The following MYOM3 variants were observed in gnomAD, a reference collection of about 807,000 sequenced individuals.
MYOM3 encodes myomesin 3, also known as myomesin-3.
In MYOM3, 155 loss-of-function variants were observed where a neutral mutation model predicts 191.7. That is an observed-to-expected ratio of 0.81 (90% confidence interval 0.71 to 0.92). The LOEUF (loss-of-function observed/expected upper bound fraction) is 0.92. Among genes scored for constraint, MYOM3 ranks in the 40% least tolerant of loss-of-function variants. MYOM3 has a pLI of 0.00. For missense variants in MYOM3, 1,889 were observed against 1,890.6 expected (o/e 1.00, Z 0.02); for synonymous variants, 757 against 762.9 (o/e 0.99, Z 0.13).
chr1:24,063,637 C>T lies in MYOM3; in HGVS notation c.3623-107G>A, dbSNP rs908572102. 1 of 1,271,036 alleles carries T rather than the reference C, an allele frequency of 7.9e-7. No homozygotes were observed. The highest frequency in any genetic ancestry group is 1.1e-6 in the Non-Finnish European group (1 of 884,588). 78.7% of individuals were successfully genotyped at this position (1,271,036 alleles called of 1,614,324 possible). A position where few individuals can be genotyped will look rare whatever the true frequency, so the allele number is the denominator to read the frequency against. On this transcript the variant is annotated intron_variant, in intron 30 of 36. Transcript: ENST00000374434. This position sits in a 1 kb window ranked among gnomAD's most constrained non-coding sequence, Gnocchi z 4.5. ...GCTGGTGGAGCCCGTGAGCTGCTCT[C>T]AGGGGGACAGGCAACTCTGTAGGAT...
At position 24,075,425 on chromosome 1, in the gene MYOM3, C is replaced by T; in HGVS notation, c.2752G>A (p.Ala918Thr). Reference sequence around the variant, plus strand: ...TCGGGGGCTTCAGGGGCTTCAAAAGCCAAATAGATAAAGCCCTCTTCATCC... The same window carrying T: ...TCGGGGGCTTCAGGGGCTTCAAAAGTCAAATAGATAAAGCCCTCTTCATCC... ...GVDEEGFIYL[A>T]FEAPEAPDSS... is the part of the protein sequence containing the mutation. Residue 918 changes from alanine (A) to threonine (T), a missense_variant, in exon 22 of 37, where the codon GCT (alanine) becomes ACT (threonine). Ala to Thr is a moderately conservative substitution (Grantham distance 58, BLOSUM62 0). Transcript: ENST00000374434. 1.2e-6 allele frequency: 2 copies of T among 1,608,636 alleles called. No homozygotes were observed. Among genetic ancestry groups the T allele is most frequent in the Non-Finnish European group, 8.5e-7 (1 of 1,178,362 alleles).
intron 2 of MYOM3, 131 bp downstream of exon 2, chr1:24,108,345 G>A (rs1265291945): frequency 1.9e-6 from 2 of 1,031,402 alleles, no homozygotes; most frequent in African/African-American, 3.3e-5. Flanking sequence ...CTCAGACAGG[G>A]GGTTCAGAAA....
chr1:24,090,152 G>C (rs747481954), intron 12 of MYOM3, 34 bp from the exon 13 acceptor site: 1 of 1,571,930 alleles, frequency 6.4e-7, no homozygotes, highest in African/African-American at 1.3e-5. Flanking sequence ...AGGGTGGGGG[G>C]TGGCACAGGA....
At chr1:24,103,817 C>CCCCCG (rs1643959344) in intron 5 of MYOM3, among the ~76,000 whole-genome samples, 1 of 151,574 alleles carries the variant, frequency 6.6e-6, no homozygotes, top group Admixed American at 6.6e-5. Context: ...CACAGATCTC[C>CCCCCG]CCCCGCCCCA....
chr1:24,068,569 T>C (rs558858908), intron 25 of MYOM3, among the ~76,000 whole-genome samples: 3 of 152,246 alleles, frequency 2.0e-5, no homozygotes, highest in Admixed American at 2.0e-4. Context: ...TTTTTTGTTG[T>C]TGTTTTTTTG....
chr1:24,103,491 G>A (rs999311550), intron 5 of MYOM3, among the ~76,000 whole-genome samples: 5 of 152,218 alleles, frequency 3.3e-5, no homozygotes, highest in Non-Finnish European at 1.5e-5. Flanking sequence ...AATGGAACAG[G>A]AATTAAAAGA....
rs370525918 is a variant in MYOM3 at position 24,092,221 on chromosome 1, C to T, written c.1185G>A (p.Pro395=). Residue 395 remains proline, a synonymous_variant, in exon 11 of 37, where the codon CCG becomes CCA. Transcript: ENST00000374434. ...NRDCLILTWA[P]PSDTRGNPIT... is the part of the protein sequence containing the mutation. Reference sequence around the variant, plus strand: ...TGGGGTTGCCCCGGGTGTCACTGGGCGGGGCCCAAGTCAGGATGAGGCAGT... The same window carrying T: ...TGGGGTTGCCCCGGGTGTCACTGGGTGGGGCCCAAGTCAGGATGAGGCAGT... The T allele has an allele frequency of 5.9e-5, 85 of 1,446,670 alleles. No homozygotes were observed. The highest frequency in any genetic ancestry group is 8.8e-5 in the African/African-American group (6 of 68,204). 89.6% of individuals were successfully genotyped at this position (1,446,670 alleles called of 1,614,324 possible).
chr1:24,074,458 A>G (rs1230511362), intron 22 of MYOM3, among the ~76,000 whole-genome samples, 189 bp from the exon 23 acceptor site: 2 of 152,130 alleles, frequency 1.3e-5, no homozygotes, highest in African/African-American at 4.8e-5. Flanking sequence ...GACACCTTCA[A>G]TGGTGCCATT....
At chr1:24,082,431 TC>T in intron 17 of MYOM3, 161 bp downstream of exon 17, 3 of 1,095,028 alleles carry the variant, frequency 2.7e-6, no homozygotes, top group Non-Finnish European at 3.7e-6. Context: ...CATGGTTACT[TC>T]CTTCCCAAAG....
At chr1:24,057,843 A>G (rs11249051) in intron 36 of MYOM3, among the ~76,000 whole-genome samples, 46,732 of 151,980 alleles carry the variant, frequency 0.31, 8,321 homozygotes, top group African/African-American at 0.48. Context: ...GTCTCGTTCC[A>G]TCGCCCAGGC....
chr1:24,071,050 C>T (rs1643524763), intron 25 of MYOM3, 67 bp downstream of exon 25: 5 of 1,564,828 alleles, frequency 3.2e-6, no homozygotes, highest in Non-Finnish European at 3.5e-6. Flanking sequence ...CATGCGGAAT[C>T]ACCATCCCGC....
chr1:24,064,396 G>C (rs893008596), intron 29 of MYOM3: 4 of 505,236 alleles, frequency 7.9e-6, no homozygotes, highest in Non-Finnish European at 1.1e-5. Flanking sequence ...TGGGGAAGGG[G>C]TGGAGTAGGG....
In MYOM3 at chr1:24,076,515, T is replaced by TC. The variant is rs1032335846; in HGVS notation, c.2587-243_2587-242insG. Among the ~76,000 whole-genome samples, 7 of 63,250 alleles carry TC rather than the reference T, an allele frequency of 1.1e-4. 2 individuals carry two copies. The highest frequency in any genetic ancestry group is 1.9e-4 in the Non-Finnish European group (5 of 26,992). The allele number at this position is 63,250 out of a possible 152,430, so 41.5% of individuals were successfully genotyped here. A position where few individuals can be genotyped will look rare whatever the true frequency, so the allele number is the denominator to read the frequency against. ...TTATTTCCCTAATGTTTCTTTTTTTTTTTTTTTTTTTTTTTTGAGACGGAG... is the reference window on the plus strand; with the variant it reads ...TTATTTCCCTAATGTTTCTTTTTTTTCTTTTTTTTTTTTTTTTGAGACGGAG... On this transcript the variant is annotated intron_variant, in intron 20 of 36. Transcript: ENST00000374434.
At chr1:24,108,224 G>C in intron 2 of MYOM3, 151 bp from the exon 3 acceptor site, 1 of 787,602 alleles carries the variant, frequency 1.3e-6, no homozygotes, top group Non-Finnish European at 2.0e-6. Flanking sequence ...AAGCAAGGCT[G>C]CATCCCCCCG....
chr1:24,075,553 T>C, intron 21 of MYOM3, 78 bp from the exon 22 acceptor site: 1 of 1,417,268 alleles, frequency 7.1e-7, no homozygotes, highest in Non-Finnish European at 9.4e-7. Context: ...TGCTTAAACC[T>C]CCAGGGCCTG....
intron 25 of MYOM3, among the ~76,000 whole-genome samples, chr1:24,069,560 G>GAT (rs572128257): frequency 7.1e-4 from 108 of 151,378 alleles, no homozygotes; most frequent in Middle Eastern, 3.4e-3. Flanking sequence ...TTGGACCTTT[G>GAT]ATATATATAT....
intron 33 of MYOM3, 57 bp from the exon 34 acceptor site, chr1:24,061,366 G>T: frequency 6.4e-7 from 1 of 1,557,998 alleles, no homozygotes; most frequent in South Asian, 1.1e-5. Context: ...TCTGATGATG[G>T]GGACAGGGTG....
At chr1:24,090,374 C>G (rs1262580742) in intron 12 of MYOM3, among the ~76,000 whole-genome samples, 2 of 152,168 alleles carry the variant, frequency 1.3e-5, no homozygotes, top group Admixed American at 6.5e-5. Context: ...AGGGAGGTGC[C>G]TGGCGCTGGG....
chr1:24,058,075 G>C (rs1379244641), intron 36 of MYOM3, among the ~76,000 whole-genome samples: 4 of 152,172 alleles, frequency 2.6e-5, no homozygotes, highest in African/African-American at 9.7e-5. Flanking sequence ...CCAAAGTGCT[G>C]GGATTACAGG....
Sources: gnomAD v4.1 joint callset for allele counts (sites outside exome capture counted in the v4.1 genomes callset) on GRCh38, gnomAD v4.1.1 for gene constraint, Gnocchi (gnomAD v3.1) non-coding constraint, MANE v1.5 for transcripts, NCBI Gene and HGNC (gene_info 2026-07-23, HGNC 2026-07-21) for gene names.